Variants in GLIS3 observed in about 807,000 individuals in gnomAD.
The protein encoded by GLIS3 is zinc finger protein GLIS3.
Under a neutral mutation model 78.6 loss-of-function variants are expected in GLIS3, and 53 were observed. The ratio of observed to expected loss-of-function variants is 0.67; its 90% CI spans 0.54 to 0.85. The LOEUF (loss-of-function observed/expected upper bound fraction) is 0.85. GLIS3 is among the 40% of genes least tolerant of loss of function. The probability of loss-of-function intolerance (pLI) is 0.00; values close to 1 mark genes in which losing one functional copy is unlikely to be tolerated. For missense variants in GLIS3, 1,703 were observed against 1,231.1 expected, an observed-to-expected ratio of 1.38 and a Z score of -5.74; for synonymous variants, 684 against 509.9, an observed-to-expected ratio of 1.34 and a Z score of -4.60.
chr9:4,388,543 G>A, the GLIS3 span, among the ~76,000 whole-genome samples: 1 of 152,102 alleles, frequency 6.6e-6, no homozygotes, highest in Non-Finnish European at 1.5e-5. Context: ...AGGCGTGGTG[G>A]CGTGTGCCTG....
At chr9:4,453,345 C>CAAAAAA in the GLIS3 span, among the ~76,000 whole-genome samples, 192 of 91,432 alleles carry the variant, frequency 2.1e-3, no homozygotes, top group East Asian at 2.9e-3. Context: ...TTCTGCACAG[C>CAAAAAA]AAAAAAAAAA....
In GLIS3 at chr9:4,118,137, A is replaced by G; in HGVS notation, c.1341T>C (p.Pro447=). The part of the protein sequence containing the change: ...PGSTVDLPPA[P]PLPPLPPPPG... ...GGGGCGGCGGCAGAGGAGGGAGCGG[A>G]GGCGCGGGGGGTAGGTCTACGGTGC... The change falls in exon 4 of 11, where the codon CCT becomes CCC. Residue 447 remains proline (P), a synonymous_variant. Coordinates refer to ENST00000381971, the MANE Select transcript of GLIS3 (RefSeq NM_001042413.2). The surrounding 1 kb of genome is among the most constrained non-coding windows in gnomAD (Gnocchi z 4.7). 6.5e-7 allele frequency: 1 copy of G among 1,547,654 alleles called. No individual in the cohort carries two copies. Among genetic ancestry groups the G allele is most frequent in the Non-Finnish European group, 8.7e-7 (1 of 1,145,992 alleles).
At chr9:4,227,338 G>A (rs889508884) in intron 2 of GLIS3, among the ~76,000 whole-genome samples, 14 of 149,438 alleles carry the variant, frequency 9.4e-5, no homozygotes, top group East Asian at 7.8e-4. Context: ...AGTAAGTTAC[G>A]CCCACACAAT....
chr9:4,183,098 G>T lies in GLIS3; in HGVS notation c.389-57157C>A, dbSNP rs533309656. On this transcript the variant is annotated intron_variant, in intron 2 of 10. Transcript: ENST00000381971. ...TTCCTGTGATGCTATTTGGCCTGGAGAGGACTGAAAAGACAGCTATCTTTG... is the reference window on the plus strand; with the variant it reads ...TTCCTGTGATGCTATTTGGCCTGGATAGGACTGAAAAGACAGCTATCTTTG... 7.2e-5 allele frequency among the ~76,000 whole-genome samples: 11 copies of T among 152,302 alleles called. No individual in the cohort carries two copies. The South Asian group carries it at 2.3e-3, about 32-fold the overall frequency.
chr9:4,434,186 A>G, the GLIS3 span, among the ~76,000 whole-genome samples: 3 of 152,170 alleles, frequency 2.0e-5, no homozygotes, highest in Admixed American at 1.3e-4. Context: ...ACATTCTAAC[A>G]TTTAATGTAT....
chr9:3,964,548 G>A (rs1004342762), intron 4 of GLIS3, among the ~76,000 whole-genome samples: 1 of 152,176 alleles, frequency 6.6e-6, no homozygotes, highest in African/African-American at 2.4e-5. Flanking sequence ...ATGTTCTGAA[G>A]ATGACTAGCC....
intron 2 of GLIS3, among the ~76,000 whole-genome samples, chr9:4,313,991 G>C (rs1328270961): frequency 6.6e-6 from 1 of 152,226 alleles, no homozygotes; most frequent in Non-Finnish European, 1.5e-5. Context: ...AAATCAGGTA[G>C]TTGAGAGATG....
At chr9:4,397,877 C>T in the GLIS3 span, among the ~76,000 whole-genome samples, 2 of 151,922 alleles carry the variant, frequency 1.3e-5, no homozygotes, top group Non-Finnish European at 2.9e-5. Flanking sequence ...AATGAGCATA[C>T]TGTCAAGCAA....
intron 4 of GLIS3, among the ~76,000 whole-genome samples, chr9:4,070,609 T>C (rs1209074554): frequency 6.6e-6 from 1 of 152,140 alleles, no homozygotes; most frequent in Non-Finnish European, 1.5e-5. Flanking sequence ...AGTGAGTATG[T>C]ATGTGTGTGT....
chr9:4,353,211 T>G (rs868177925), upstream of GLIS3, among the ~76,000 whole-genome samples: 56 of 152,244 alleles, frequency 3.7e-4, no homozygotes, highest in African/African-American at 1.2e-3. Context: ...GAGGCAAAAG[T>G]AAGCAGACTT....
intron 2 of GLIS3, among the ~76,000 whole-genome samples, chr9:4,260,392 C>A (rs1369781160): frequency 2.0e-5 from 3 of 152,030 alleles, no homozygotes; most frequent in African/African-American, 7.2e-5. Context: ...TGGTGAAACC[C>A]CAACTCTACT....
At chr9:3,985,353 G>T (rs1819653387) in intron 4 of GLIS3, among the ~76,000 whole-genome samples, 1 of 152,152 alleles carries the variant, frequency 6.6e-6, no homozygotes, top group Non-Finnish European at 1.5e-5. Context: ...TCACCGTGTT[G>T]CCCAGGCTGG....
chr9:4,474,987 TTTTTTTTC>T, the GLIS3 span, among the ~76,000 whole-genome samples: 3 of 92,350 alleles, frequency 3.2e-5, no homozygotes, highest in Admixed American at 1.0e-4. Context: ...CTATGTTAAT[TTTTTTTTC>T]TTTTTTTTTT....
intron 4 of GLIS3, among the ~76,000 whole-genome samples, chr9:3,970,339 T>C (rs1463492342): frequency 6.6e-6 from 1 of 152,206 alleles, no homozygotes; most frequent in Non-Finnish European, 1.5e-5. Context: ...AGTCCTTATA[T>C]TATGAGAAGA....
rs73640770 is a variant in GLIS3, at chr9:3,825,054, T to C, written c.*3218A>G. On this transcript the variant is annotated 3_prime_UTR_variant, in exon 11 of 11. Coordinates refer to ENST00000381971, the MANE Select transcript of GLIS3 (RefSeq NM_001042413.2). The stretch of plus-strand genomic sequence containing the variant: ...AAATAATTAAATTGAAAATGTACAG[T>C]TACTATTCCCAATACTTCAAGGCAA... 1 of 152,138 alleles carries C rather than the reference T, an allele frequency of 6.6e-6. No individual in the cohort carries two copies. Among genetic ancestry groups the C allele is most frequent in the Non-Finnish European group, 1.5e-5 (1 of 68,042 alleles). The allele number at this position is 152,138 out of a possible 1,614,324, so 9.4% of individuals were successfully genotyped here.
At chr9:4,029,124 C>G (rs549394108) in intron 4 of GLIS3, among the ~76,000 whole-genome samples, 17 of 152,054 alleles carry the variant, frequency 1.1e-4, no homozygotes, top group African/African-American at 1.9e-4. Flanking sequence ...GTAATTTCCT[C>G]CAAAATACAT....
intron 2 of GLIS3, among the ~76,000 whole-genome samples, chr9:4,130,351 G>T (rs143608433): frequency 1.1e-4 from 17 of 152,336 alleles, no homozygotes; most frequent in African/African-American, 3.8e-4. Flanking sequence ...CAAGACAATG[G>T]GGGAAGGCCC....
the GLIS3 span, among the ~76,000 whole-genome samples, chr9:4,490,078 C>T: frequency 6.6e-6 from 1 of 152,228 alleles, no homozygotes; most frequent in Non-Finnish European, 1.5e-5. Context: ...ACCCGTTCTG[C>T]AGGTGCCGGC....
intron 1 of GLIS3, among the ~76,000 whole-genome samples, chr9:4,299,022 G>C (rs1816873227): frequency 6.6e-6 from 1 of 152,124 alleles, no homozygotes; most frequent in Admixed American, 6.5e-5. Flanking sequence ...CTCCAGAGTG[G>C]TGCGCCCCAT....
Sources: gnomAD v4.1 joint callset for allele counts (sites outside exome capture counted in the v4.1 genomes callset) on GRCh38, gnomAD v4.1.1 for gene constraint, Gnocchi (gnomAD v3.1) non-coding constraint, MANE v1.5 for transcripts, NCBI Gene and HGNC (gene_info 2026-07-23, HGNC 2026-07-21) for gene names.